Variants in WDR64 observed in about 807,000 individuals in gnomAD.
The protein encoded by WDR64 is WD repeat-containing protein 64.
WDR64 carries 112 observed loss-of-function variants against 139.3 expected under a neutral mutation model. That is an observed-to-expected ratio of 0.80 (90% CI 0.69 to 0.94). The LOEUF (loss-of-function observed/expected upper bound fraction) is 0.94, where lower values mean the gene tolerates loss of function less well. Among genes scored for constraint, WDR64 ranks in the 40% least tolerant of loss-of-function variants. WDR64 has a pLI of 0.00. For missense variants in WDR64, 1,206 were observed against 1,293.1 expected (o/e 0.93, Z 1.03); for synonymous variants, 444 against 437.7 (o/e 1.01, Z -0.18).
intron 26 of WDR64, 105 bp downstream of exon 26, chr1:241,795,392 T>C: frequency 9.9e-7 from 1 of 1,011,098 alleles, no homozygotes; most frequent in Non-Finnish European, 1.5e-6. Flanking sequence ...AATCATACAG[T>C]CAGTTGGACC....
intron 8 of WDR64, among the ~76,000 whole-genome samples, chr1:241,706,944 T>C (rs770017542): frequency 7.2e-5 from 11 of 152,104 alleles, no homozygotes; most frequent in Admixed American, 2.0e-4. Context: ...GTTTGGGGGA[T>C]CACTTATTTT....
At chr1:241,792,741 G>T (rs1488259688) in intron 25 of WDR64, among the ~76,000 whole-genome samples, 3 of 152,128 alleles carry the variant, frequency 2.0e-5, no homozygotes, top group Non-Finnish European at 2.9e-5. Flanking sequence ...CAAAAAGTCT[G>T]AAAATATCAA....
At chr1:241,771,806 T>C (rs1332157278) in intron 19 of WDR64, 109 bp downstream of exon 19, 2 of 511,394 alleles carry the variant, frequency 3.9e-6, no homozygotes, top group Non-Finnish European at 5.9e-6. Context: ...AATATATAAA[T>C]TCATTATATA....
chr1:241,725,539 C>G (rs1430925330), intron 10 of WDR64, among the ~76,000 whole-genome samples: 1 of 152,030 alleles, frequency 6.6e-6, no homozygotes, highest in Non-Finnish European at 1.5e-5. Context: ...CGGAACTATG[C>G]GAATCTCCCT....
Position 241,746,950 on chromosome 1 carries a change from G to C in WDR64, c.1594+2434G>C, listed in dbSNP as rs1669782819. Among the ~76,000 whole-genome samples the C allele has an allele frequency of 2.0e-5, 3 of 152,086 alleles. No homozygotes were observed. The South Asian group carries it at 6.2e-4, about 32-fold the overall frequency. On this transcript the variant is annotated intron_variant, in intron 13 of 27. Coordinates refer to ENST00000437684, the MANE Select transcript of WDR64 (RefSeq NM_001367482.1). The stretch of plus-strand genomic sequence containing the variant: ...AATTTTTGTATTTTTAGTAGAGACA[G>C]GGTTTTGCTATGTTGCCCAGGCTGG...
chr1:241,776,485 A>C (rs1206455640), intron 21 of WDR64, among the ~76,000 whole-genome samples: 1 of 152,218 alleles, frequency 6.6e-6, no homozygotes, highest in African/African-American at 2.4e-5. Context: ...TAGCATTATA[A>C]ATAAATTTAC....
Position 241,695,157 on chromosome 1 carries a change from T to A in WDR64, c.974+7562T>A, listed in dbSNP as rs183714741. 1.6e-3 allele frequency among the ~76,000 whole-genome samples: 240 copies of A among 152,348 alleles called. 2 individuals carry two copies. The highest frequency in any genetic ancestry group is 2.6e-3 in the Non-Finnish European group (179 of 68,032). ...TCACTGACATCATTCAAAATTGAATTATATAAGCTAGTAGTTCAATTATAT... is the reference window on the plus strand; with the variant it reads ...TCACTGACATCATTCAAAATTGAATAATATAAGCTAGTAGTTCAATTATAT... On this transcript the variant is annotated intron_variant, in intron 8 of 27. Coordinates refer to ENST00000437684, the MANE Select transcript of WDR64 (RefSeq NM_001367482.1).
At chr1:241,771,803 A>AT in intron 19 of WDR64, 106 bp downstream of exon 19, 4 of 541,738 alleles carry the variant, frequency 7.4e-6, no homozygotes, top group Non-Finnish European at 1.1e-5. Context: ...CTTAATATAT[A>AT]AATTCATTAT....
At chr1:241,682,078 G>T (rs1251350856) in intron 6 of WDR64, among the ~76,000 whole-genome samples, 1 of 152,152 alleles carries the variant, frequency 6.6e-6, no homozygotes, top group Non-Finnish European at 1.5e-5. Context: ...TCTGTGGGTT[G>T]TCTGTTTACT....
At chr1:241,792,468 G>A (rs1200458655) in intron 25 of WDR64, among the ~76,000 whole-genome samples, 5 of 152,082 alleles carry the variant, frequency 3.3e-5, no homozygotes, top group Admixed American at 2.0e-4. Context: ...CCCAGGAGAT[G>A]GAGGTTGCAG....
intron 24 of WDR64, among the ~76,000 whole-genome samples, chr1:241,788,251 A>T (rs1659112817): frequency 6.6e-6 from 1 of 152,238 alleles, no homozygotes; most frequent in Non-Finnish European, 1.5e-5. Context: ...GGCAAATAGG[A>T]TTTAACCAAA....
At chr1:241,781,476 C>T (rs1252943435) in intron 22 of WDR64, among the ~76,000 whole-genome samples, 1 of 152,068 alleles carries the variant, frequency 6.6e-6, no homozygotes, top group Non-Finnish European at 1.5e-5. Context: ...AAACCAGGTC[C>T]GGCTATAGAT....
At chr1:241,690,210 C>T (rs1214775287) in intron 8 of WDR64, among the ~76,000 whole-genome samples, 1 of 152,098 alleles carries the variant, frequency 6.6e-6, no homozygotes. Flanking sequence ...CAGTGGCTCA[C>T]ACCTGTAATC....
intron 15 of WDR64, 80 bp from the exon 16 acceptor site, chr1:241,766,138 A>G (rs1658154997): frequency 1.4e-6 from 2 of 1,390,234 alleles, no homozygotes; most frequent in South Asian, 1.6e-5. Context: ...GTTGATGACA[A>G]TTACAAAGTG....
intron 9 of WDR64, among the ~76,000 whole-genome samples, chr1:241,713,567 C>T (rs1258592225): frequency 6.6e-6 from 1 of 150,958 alleles, no homozygotes; most frequent in African/African-American, 2.4e-5. Context: ...GGAAGGATGC[C>T]TACTTCATAG....
intron 25 of WDR64, among the ~76,000 whole-genome samples, chr1:241,791,130 T>A (rs1558526851): frequency 6.6e-6 from 1 of 151,918 alleles, no homozygotes; most frequent in African/African-American, 2.4e-5. Context: ...CTATTAAAAG[T>A]AAAAAATCTG....
chr1:241,769,854 A>G (rs1197724974), intron 17 of WDR64, among the ~76,000 whole-genome samples: 4 of 152,338 alleles, frequency 2.6e-5, no homozygotes, highest in African/African-American at 9.6e-5. Context: ...GGTGTGAAAC[A>G]GAAGGAAGGA....
At position 241,660,517 on chromosome 1, in the gene WDR64, T is replaced by C; in HGVS notation, c.146-13T>C. On this transcript the variant is annotated splice_polypyrimidine_tract_variant and intron_variant, in intron 1 of 27. Transcript: ENST00000437684. ...GAATTTGATGAAAATGGACTGTACT[T>C]TTTTCAATGCAGATGCAATTGGTTA... 6.4e-7 allele frequency: 1 copy of C among 1,550,670 alleles called. No homozygotes were observed. The highest frequency in any genetic ancestry group is 2.4e-5 in the East Asian group (1 of 40,896).
At chr1:241,674,344 A>G (rs1666378441) in intron 3 of WDR64, among the ~76,000 whole-genome samples, 1 of 145,242 alleles carries the variant, frequency 6.9e-6, no homozygotes. Flanking sequence ...CTGCACCTCA[A>G]CCTCCTGGCT....
Sources: gnomAD v4.1 joint callset for allele counts (sites outside exome capture counted in the v4.1 genomes callset) on GRCh38, gnomAD v4.1.1 for gene constraint, MANE v1.5 for transcripts, NCBI Gene and HGNC (gene_info 2026-07-23, HGNC 2026-07-21) for gene names.